DNAH17: variants seen among roughly 807,000 people sequenced by gnomAD.
DNAH17 encodes dynein axonemal heavy chain 17.
DNAH17 carries 376 observed loss-of-function variants against 485.6 expected under a neutral mutation model. The observed-to-expected ratio is 0.77, with a 90% CI of 0.71 to 0.84. DNAH17 has a LOEUF of 0.84. Among genes scored for constraint, DNAH17 ranks in the 40% least tolerant of loss-of-function variants. The probability of loss-of-function intolerance (pLI) is 0.00; values close to 1 mark genes in which losing one functional copy is unlikely to be tolerated. For missense variants in DNAH17, 6,370 were observed against 5,839.3 expected (o/e 1.09, Z -2.96); for synonymous variants, 3,031 against 2,405.9 (o/e 1.26, Z -7.60).
Position 78,425,251 on chromosome 17 carries a change from G to A in DNAH17, c.13141+95C>T, listed in dbSNP as rs558904545. 1.9e-5 allele frequency: 25 copies of A among 1,298,732 alleles called. No homozygotes were observed. In the East Asian group the frequency reaches 2.1e-4, roughly 11 times the overall value. 80.5% of individuals were successfully genotyped at this position (1,298,732 alleles called of 1,614,324 possible). A position where few individuals can be genotyped will look rare whatever the true frequency, so the allele number is the denominator to read the frequency against. On this transcript the variant is annotated intron_variant, in intron 80 of 80. Transcript: ENST00000389840. Reference sequence around the variant, plus strand: ...TCTCCTGCCTGTCCCCACAGCTCTTGAACAGCCTGTCTTTGCCAAGAGCTA... The same window carrying A: ...TCTCCTGCCTGTCCCCACAGCTCTTAAACAGCCTGTCTTTGCCAAGAGCTA...
Position 78,494,577 on chromosome 17 carries a change from A to G in DNAH17, c.6270+16T>C, listed in dbSNP as rs1568150301. 6.2e-7 allele frequency: 1 copy of G among 1,612,652 alleles called. No individual in the cohort carries two copies. ...GCAGGCTTCTCCGGACAGACCTGAG[A>G]CCCAGGAGTCCCGACCTTTTCAAAA... On this transcript the variant is annotated intron_variant, in intron 40 of 80. Transcript: ENST00000389840.
rs540598054 is a variant in DNAH17 at position 78,551,548 on chromosome 17, G to A, written c.2378C>T (p.Ser793Phe). The A allele has an allele frequency of 8.1e-6, 13 of 1,614,022 alleles. No homozygotes were observed. Among genetic ancestry groups the A allele is most frequent in the East Asian group, 2.2e-5 (1 of 44,890 alleles). Residue 793 changes from serine to phenylalanine, a missense_variant, in exon 16 of 81, where the codon TCC becomes TTC. Coordinates refer to ENST00000389840, the MANE Select transcript of DNAH17 (RefSeq NM_173628.4). Reference sequence around the variant, plus strand: ...CCCCTTGCTTACCTTCATAGCCTGGGAAATTCCTTCTATATTTTGTTTTGC... The same window carrying A: ...CCCCTTGCTTACCTTCATAGCCTGGAAAATTCCTTCTATATTTTGTTTTGC... ...QKAKQNIEGI[S>F]QAMKDWSANP...
intron 32 of DNAH17, 56 bp downstream of exon 32, chr17:78,502,830 A>C: frequency 1.3e-6 from 2 of 1,595,746 alleles, no homozygotes; most frequent in Admixed American, 3.5e-5. Context: ...GAACGCAAAG[A>C]AACTCGCCCC....
intron 16 of DNAH17, among the ~76,000 whole-genome samples, chr17:78,551,184 G>A (rs2091893135): frequency 6.6e-6 from 1 of 152,202 alleles, no homozygotes; most frequent in Non-Finnish European, 1.5e-5. Context: ...TGCTCCGGAA[G>A]GAGCTTGAGT....
At chr17:78,479,456 G>A (rs1309510960) in intron 50 of DNAH17, 29 bp downstream of exon 50, 2 of 1,581,098 alleles carry the variant, frequency 1.3e-6, no homozygotes, top group Non-Finnish European at 8.6e-7. Context: ...TTTTACCGAT[G>A]GGAGAGGGGA....
At chr17:78,466,568 C>T (rs2088468594) in intron 56 of DNAH17, 87 bp downstream of exon 56, 7 of 1,365,190 alleles carry the variant, frequency 5.1e-6, no homozygotes, top group African/African-American at 4.5e-5. Context: ...CTAATCCCAG[C>T]GCCCTTTTCT....
chr17:78,569,426 C>G lies in DNAH17; in HGVS notation c.1146G>C (p.Glu382Asp), dbSNP rs1258320594. Residue 382 changes from glutamate to aspartate, a missense_variant, in exon 8 of 81, where the codon GAG (glutamate) becomes GAC (aspartate). Physicochemically the swap from Glu to Asp is conservative, Grantham distance 45. Coordinates refer to ENST00000389840, the MANE Select transcript of DNAH17 (RefSeq NM_173628.4). Reference sequence around the variant, plus strand: ...AGCAGAAGTCGTACGTCTGGTAGAGCTCCTTCAGCACATTTACAGCCAGGG... The same window carrying G: ...AGCAGAAGTCGTACGTCTGGTAGAGGTCCTTCAGCACATTTACAGCCAGGG... ...GISLAVNVLK[E>D]LYQTYDFCCV... 6.2e-7 allele frequency: 1 copy of G among 1,612,574 alleles called. No individual in the cohort carries two copies. Among genetic ancestry groups the G allele is most frequent in the African/African-American group, 1.3e-5 (1 of 74,924 alleles).
At chr17:78,515,088 T>A in intron 25 of DNAH17, 66 bp from the exon 26 acceptor site, 1 of 1,583,786 alleles carries the variant, frequency 6.3e-7, no homozygotes, top group African/African-American at 1.3e-5. Flanking sequence ...GAAAACCCTC[T>A]TACCTTTCTG....
rs180779044 is a variant in DNAH17 at position 78,542,186 on chromosome 17, C to T, written c.2532+1671G>A. On this transcript the variant is annotated intron_variant, in intron 17 of 80. Transcript: ENST00000389840. ...TTCTGAGGTGGAGTCTCACTCTTGT[C>T]GCCCAGGCTGGAATGCAGTGGTGCA... Among the ~76,000 whole-genome samples the T allele has an allele frequency of 1.3e-3, 195 of 150,534 alleles. 1 individual carries two copies. Among genetic ancestry groups the T allele is most frequent in the African/African-American group, 4.0e-3 (165 of 40,874 alleles).
At chr17:78,432,718 G>A (rs1462361823) in intron 75 of DNAH17, among the ~76,000 whole-genome samples, 1 of 152,198 alleles carries the variant, frequency 6.6e-6, no homozygotes, top group Non-Finnish European at 1.5e-5. Flanking sequence ...AGTGGCCCAG[G>A]TCTTGAGCTT....
At position 78,514,862 on chromosome 17, in the gene DNAH17, T is replaced by C. The variant is rs2090738589; in HGVS notation, c.4025A>G (p.Asn1342Ser). Residue 1342 changes from asparagine to serine, a missense_variant, in exon 26 of 81, where the codon AAC (asparagine) becomes AGC (serine). Coordinates refer to ENST00000389840, the MANE Select transcript of DNAH17 (RefSeq NM_173628.4). ...CACGGCACGCAGGGACGTGATCACG[T>C]TTTTCACGGTGTTGTCGAGCCCCAC... ...AFVGLDNTVK[N>S]VITSLRAVSE... The C allele has an allele frequency of 6.2e-7, 1 of 1,613,976 alleles. No homozygotes were observed. Among genetic ancestry groups the C allele is most frequent in the Non-Finnish European group, 8.5e-7 (1 of 1,179,880 alleles).
At chr17:78,458,776 T>C in intron 61 of DNAH17, 96 bp from the exon 62 acceptor site, 2 of 1,213,824 alleles carry the variant, frequency 1.6e-6, no homozygotes, top group Non-Finnish European at 2.4e-6. Flanking sequence ...GCGCTGAGCG[T>C]GGAAGAGGCT....
chr17:78,475,667 A>C lies in DNAH17; in HGVS notation c.8319+2T>G, dbSNP rs767315424. 1.9e-6 allele frequency: 3 copies of C among 1,613,374 alleles called. No homozygotes were observed. In the Admixed American group the frequency reaches 5.0e-5, roughly 27 times the overall value. On this transcript the variant is annotated splice_donor_variant, in intron 53 of 80. Coordinates refer to ENST00000389840, the MANE Select transcript of DNAH17 (RefSeq NM_173628.4). LOFTEE classifies it high-confidence loss of function. ...CCTTGCTATCAGCTCCAGCCTGCTC[A>C]CCAAATTCATGACTGCATTAACTTC...
chr17:78,439,663 CACTT>C (rs1466180819), intron 72 of DNAH17, among the ~76,000 whole-genome samples: 23 of 125,458 alleles, frequency 1.8e-4, no homozygotes, highest in African/African-American at 6.1e-4. Context: ...ATCAGTACTT[CACTT>C]TTTTTTTTTT....
At chr17:78,506,028 G>A (rs73380888) in intron 30 of DNAH17, among the ~76,000 whole-genome samples, 1 of 151,990 alleles carries the variant, frequency 6.6e-6, no homozygotes, top group African/African-American at 2.4e-5. Context: ...AGAAGGTTCT[G>A]TCCCAGATCC....
At chr17:78,559,527 T>C (rs1424090309) in intron 13 of DNAH17, among the ~76,000 whole-genome samples, 2 of 152,204 alleles carry the variant, frequency 1.3e-5, no homozygotes, top group African/African-American at 2.4e-5. Context: ...GCTGCCACTC[T>C]GGTTCCAGCC....
In DNAH17 at chr17:78,426,398, G is replaced by A. The variant is rs185611183; in HGVS notation, c.12915+59C>T. 5.3e-4 allele frequency: 797 copies of A among 1,504,044 alleles called. 13 individuals carry two copies. In the Admixed American group the frequency reaches 0.014, roughly 27 times the overall value. 93.2% of individuals were successfully genotyped at this position (1,504,044 alleles called of 1,614,324 possible). On this transcript the variant is annotated intron_variant, in intron 79 of 80. Transcript: ENST00000389840. ...CAGGCTCTAGGGTGTGGGGTGTGCC[G>A]AGCTCTGGGCACTCGGTCCCCGAGT...
At chr17:78,537,083 CAGG>C in intron 19 of DNAH17, among the ~76,000 whole-genome samples, 1 of 150,922 alleles carries the variant, frequency 6.6e-6, no homozygotes, top group East Asian at 2.0e-4. Context: ...GACGCTGAGG[CAGG>C]AGAATGGCTT....
In DNAH17 at chr17:78,561,716, G is replaced by C. The variant is rs756520548; in HGVS notation, c.1834C>G (p.Pro612Ala). The C allele has an allele frequency of 1.2e-6, 2 of 1,604,066 alleles. No homozygotes were observed. The highest frequency in any genetic ancestry group is 2.2e-5 in the South Asian group (2 of 89,444). Reference protein sequence around the residue: ...SMKHLKHVEHPVMSGAEAKLT... With the variant: ...SMKHLKHVEHAVMSGAEAKLT... ...CCCCTGCCCAGGGCTGTGACTCACGGGTGTTCGACGTGCTTCAGGTGTTTC... is the reference window on the plus strand; with the variant it reads ...CCCCTGCCCAGGGCTGTGACTCACGCGTGTTCGACGTGCTTCAGGTGTTTC... Residue 612 changes from proline (P) to alanine (A), a missense_variant and splice_region_variant, in exon 12 of 81, where the codon CCG becomes GCG. By Grantham distance (27) the Pro-to-Ala change is conservative. Transcript: ENST00000389840.
Sources: gnomAD v4.1 joint callset for allele counts (sites outside exome capture counted in the v4.1 genomes callset) on GRCh38, gnomAD v4.1.1 for gene constraint, MANE v1.5 for transcripts, NCBI Gene and HGNC (gene_info 2026-07-23, HGNC 2026-07-21) for gene names.